The following GSTA5 variants were observed in gnomAD, a reference collection of about 807,000 sequenced individuals.
GSTA5 encodes the protein glutathione S-transferase A5.
A neutral mutation model predicts 21.8 loss-of-function variants in GSTA5; 25 were observed. The observed-to-expected ratio is 1.14, with a 90% CI of 0.83 to 1.60. The LOEUF (loss-of-function observed/expected upper bound fraction) is 1.60. GSTA5 is among the 40% of genes most tolerant of loss of function. GSTA5 has a pLI of 0.00. For missense variants in GSTA5, 330 were observed against 259.2 expected, an observed-to-expected ratio of 1.27 and a Z score of -1.88; for synonymous variants, 102 against 89.5, an observed-to-expected ratio of 1.14 and a Z score of -0.78.
chr6:52,837,583 T>C (rs1357958032), exon 2 of GSTA5: 2 of 1,609,056 alleles, frequency 1.2e-6, no homozygotes, highest in African/African-American at 1.3e-5. Context: ...CCAAATCTTC[T>C]GCAGATTCTA....
rs1477093901 is a variant in GSTA5 at position 52,834,131 on chromosome 6, C to T, written c.414+10G>A. On this transcript the variant is annotated intron_variant, in intron 4 of 5. Transcript: ENST00000370989. ...CTCAGTTCCCCTAAACATTGAACAG[C>T]TTCACTTACTTTTTCAAAGGCAGGG... The T allele has an allele frequency of 1.2e-6, 2 of 1,613,988 alleles. No individual in the cohort carries two copies. The highest frequency in any genetic ancestry group is 1.7e-6 in the Non-Finnish European group (2 of 1,179,992).
At chr6:52,837,918 T>A (rs1315121382) in intron 1 of GSTA5, among the ~76,000 whole-genome samples, 1 of 152,238 alleles carries the variant, frequency 6.6e-6, no homozygotes, top group East Asian at 1.9e-4. Context: ...GTTCTCCTAG[T>A]TATGGTGTTG....
At chr6:52,841,748 G>C (rs1764379780), upstream of GSTA5, among the ~76,000 whole-genome samples, 3 of 152,188 alleles carry the variant, frequency 2.0e-5, no homozygotes, top group African/African-American at 7.2e-5. Flanking sequence ...GTGAAAGGCT[G>C]TTGCTATTCT....
exon 3 of GSTA5, chr6:52,836,277 G>C (rs186717873): frequency 6.2e-7 from 1 of 1,613,858 alleles, no homozygotes; most frequent in South Asian, 1.1e-5. Context: ...GGTTGTATTT[G>C]CTGGCAATGT....
In GSTA5 at chr6:52,839,943, G is replaced by T. The variant is rs535185822; in HGVS notation, c.87+784C>A. ...TAGGCCGCCCCAGGGCAGGGACTGTGTCTGTCTTGTTCACTGTCTATCTCC... is the reference window on the plus strand; with the variant it reads ...TAGGCCGCCCCAGGGCAGGGACTGTTTCTGTCTTGTTCACTGTCTATCTCC... On this transcript the variant is annotated intron_variant, in intron 1 of 5. Transcript: ENST00000370989. Among the ~76,000 whole-genome samples the T allele has an allele frequency of 7.2e-5, 11 of 152,340 alleles. No homozygotes were observed. In the South Asian group the frequency reaches 2.3e-3, roughly 32 times the overall value.
exon 5 of GSTA5, chr6:52,832,887 C>A (rs142541451): frequency 1.7e-5 from 28 of 1,614,054 alleles, no homozygotes; most frequent in Admixed American, 6.7e-5. Context: ...GGAGATAAGA[C>A]TCGAGTCAAG....
intron 3 of GSTA5, among the ~76,000 whole-genome samples, chr6:52,835,984 GT>G (rs1193555198): frequency 6.6e-6 from 1 of 152,150 alleles, no homozygotes; most frequent in Non-Finnish European, 1.5e-5. Flanking sequence ...GGGTTTATGA[GT>G]GTCTGGAAAC....
At chr6:52,832,958 A>C in exon 5 of GSTA5, 1 of 1,614,124 alleles carries the variant, frequency 6.2e-7, no homozygotes, top group Middle Eastern at 1.6e-4. Context: ...GCTTGTTGCC[A>C]ACAAGGTAGT....
upstream of GSTA5, among the ~76,000 whole-genome samples, chr6:52,844,368 A>G (rs1471368216): frequency 6.6e-6 from 1 of 152,212 alleles, no homozygotes; most frequent in African/African-American, 2.4e-5. Flanking sequence ...TCTTACTCTT[A>G]GCAACTTTTC....
In GSTA5 at chr6:52,839,919, AGG is replaced by A. The variant is rs367800240; in HGVS notation, c.87+806_87+807del. ...CTTGTCTGCATCCTCATAGACATGT[AGG>A]CCGCCCCAGGGCAGGGACTGTGTCT... is the stretch of plus-strand genomic sequence containing the variant. On this transcript the variant is annotated intron_variant, in intron 1 of 5. Coordinates refer to ENST00000370989, the Ensembl canonical transcript of GSTA5. Among the ~76,000 whole-genome samples, 363 of 152,356 alleles carry A rather than the reference AGG, an allele frequency of 2.4e-3. 2 individuals carry two copies. The highest frequency in any genetic ancestry group is 8.1e-3 in the African/African-American group (335 of 41,588).
chr6:52,838,310 C>T (rs73740669), intron 1 of GSTA5, among the ~76,000 whole-genome samples: 1,710 of 152,212 alleles, frequency 0.011, 31 homozygotes, highest in African/African-American at 0.038. Context: ...GACATGTTAC[C>T]GAAACTCTCT....
intron 1 of GSTA5, among the ~76,000 whole-genome samples, chr6:52,838,003 CATGGGCTA>C (rs1167446543): frequency 6.6e-6 from 1 of 152,196 alleles, no homozygotes; most frequent in Non-Finnish European, 1.5e-5. Flanking sequence ...TGGGGTATGC[CATGGGCTA>C]ATGGCCATCA....
At chr6:52,845,606 T>G (rs1160150641), upstream of GSTA5, among the ~76,000 whole-genome samples, 1 of 152,214 alleles carries the variant, frequency 6.6e-6, no homozygotes, top group African/African-American at 2.4e-5. Flanking sequence ...CCTCCTGACA[T>G]TCAAACTAAT....
At chr6:52,832,026 A>G in intron 5 of GSTA5, 56 bp from the exon 6 acceptor site, 14 of 1,569,516 alleles carry the variant, frequency 8.9e-6, no homozygotes, top group Non-Finnish European at 1.1e-5. Flanking sequence ...ACCATCATTA[A>G]GATGACCCAG....
the GSTA5 span, chr6:52,846,002 G>A: frequency 6.4e-6 from 1 of 155,628 alleles, no homozygotes; most frequent in Non-Finnish European, 1.4e-5. Flanking sequence ...TATTTTTCTG[G>A]GAGGCTAGAG....
intron 1 of GSTA5, among the ~76,000 whole-genome samples, chr6:52,838,167 T>C (rs73439356): frequency 0.012 from 1,893 of 152,298 alleles, 45 homozygotes; most frequent in African/African-American, 0.042. Flanking sequence ...TGGGACCCAA[T>C]AGGGTAAAAT....
At chr6:52,833,651 C>T (rs980185148) in intron 4 of GSTA5, among the ~76,000 whole-genome samples, 1 of 152,208 alleles carries the variant, frequency 6.6e-6, no homozygotes, top group Non-Finnish European at 1.5e-5. Context: ...AAGAATCTTC[C>T]TCTGCATCCC....
At chr6:52,831,883 A>G (rs778139967) in exon 6 of GSTA5, 10 of 1,614,016 alleles carry the variant, frequency 6.2e-6, no homozygotes, top group Non-Finnish European at 8.5e-6. Context: ...TCTTCTAAAG[A>G]TTTCTCATCC....
chr6:52,832,326 G>A (rs936723619), intron 5 of GSTA5, among the ~76,000 whole-genome samples: 3 of 152,162 alleles, frequency 2.0e-5, no homozygotes, highest in Admixed American at 1.3e-4. Context: ...ATGGGGAAAT[G>A]AGTTGGAAAG....
Sources: gnomAD v4.1 joint callset for allele counts (sites outside exome capture counted in the v4.1 genomes callset) on GRCh38, gnomAD v4.1.1 for gene constraint, MANE v1.5 for transcripts, NCBI Gene and HGNC (gene_info 2026-07-23, HGNC 2026-07-21) for gene names.